Variants in ACSM2A observed in about 807,000 individuals in gnomAD.
ACSM2A encodes acyl-coenzyme A synthetase ACSM2A, mitochondrial.
In ACSM2A, 72 loss-of-function variants were observed where a neutral mutation model predicts 76.6. The ratio of observed to expected loss-of-function variants is 0.94; its 90% confidence interval spans 0.78 to 1.14. The LOEUF is 1.14. ACSM2A is among the 50% of genes most tolerant of loss of function. ACSM2A has a pLI of 0.00. For synonymous variants in ACSM2A, 249 were observed against 255.9 expected (o/e 0.97, Z 0.26); for missense variants, 684 against 708.5 (o/e 0.97, Z 0.39).
At chr16:20,479,417 C>A (rs138844507) in intron 10 of ACSM2A, among the ~76,000 whole-genome samples, 1 of 152,074 alleles carries the variant, frequency 6.6e-6, no homozygotes. Flanking sequence ...TTTAATCCTC[C>A]CAGCCACCCT....
chr16:20,463,723 C>T (rs1450490699), intron 2 of ACSM2A, among the ~76,000 whole-genome samples: 6 of 152,170 alleles, frequency 3.9e-5, no homozygotes, highest in African/African-American at 1.4e-4. Flanking sequence ...TATAGCAATG[C>T]AAGAACAGCC....
rs762693480 is a variant in ACSM2A, at chr16:20,471,636, G to A, written c.841G>A (p.Ala281Thr). The change falls in exon 6 of 14, where the codon GCA (alanine) becomes ACA (threonine). Residue 281 changes from alanine (A) to threonine (T), a missense_variant. Coordinates refer to ENST00000573854, the MANE Select transcript of ACSM2A (RefSeq NM_001308172.2). ...ACTTATGGAACCTTGGGCATTAGGA[G>A]CATGCACATTTGTTCATCTCTTGCC... ...CSLMEPWALG[A>T]CTFVHLLPKF... The A allele has an allele frequency of 3.7e-6, 6 of 1,614,056 alleles. No homozygotes were observed. Among genetic ancestry groups the A allele is most frequent in the Non-Finnish European group, 4.2e-6 (5 of 1,179,930 alleles).
chr16:20,486,997 A>G lies in ACSM2A; in HGVS notation c.*319A>G, dbSNP rs768868720. The G allele has an allele frequency of 5.6e-5, 12 of 216,196 alleles. No individual in the cohort carries two copies. The highest frequency in any genetic ancestry group is 9.9e-5 in the Non-Finnish European group (11 of 110,744). The allele number at this position is 216,196 out of a possible 1,614,324, so 13.4% of individuals were successfully genotyped here. The stretch of plus-strand genomic sequence containing the variant: ...GAAGGAGAGAGGAAGCAAGGGAAGG[A>G]GGAAGAAAGGAAAGAGGAGATGAAA... On this transcript the variant is annotated 3_prime_UTR_variant, in exon 14 of 14. Coordinates refer to ENST00000573854, the MANE Select transcript of ACSM2A (RefSeq NM_001308172.2).
At chr16:20,461,282 G>A (rs976159196) in intron 2 of ACSM2A, among the ~76,000 whole-genome samples, 1 of 150,096 alleles carries the variant, frequency 6.7e-6, no homozygotes, top group African/African-American at 2.5e-5. Context: ...GACGGCCCTA[G>A]GTGTGGGTAC....
intron 4 of ACSM2A, among the ~76,000 whole-genome samples, chr16:20,470,294 C>G (rs117990195): frequency 0.061 from 9,327 of 152,252 alleles, 377 homozygotes; most frequent in Middle Eastern, 0.18. Context: ...TACCAAGTTT[C>G]TGGGCTCTTC....
At position 20,460,156 on chromosome 16, in the gene ACSM2A, G is replaced by A. The variant is rs1302069742; in HGVS notation, c.42G>A (p.Trp14Ter). The A allele has an allele frequency of 6.2e-7, 1 of 1,612,864 alleles. No individual in the cohort carries two copies. The highest frequency in any genetic ancestry group is 8.5e-7 in the Non-Finnish European group (1 of 1,179,266). Residue 14 changes from tryptophan (W) to a stop codon, truncating the protein, a stop_gained, in exon 2 of 14, where the codon TGG becomes TGA. Coordinates refer to ENST00000573854, the MANE Select transcript of ACSM2A (RefSeq NM_001308172.2). LOFTEE classifies it high-confidence loss of function. ...AAGTTCAGGGACTTTGCACCCTGTG[G>A]GGTACTCAGATGTCCAGCCGCACTC... The part of the protein sequence containing the change: ...LRKVQGLCTL[W>*]GTQMSSRTLY...
intron 6 of ACSM2A, among the ~76,000 whole-genome samples, chr16:20,473,732 T>G (rs1274790900): frequency 6.6e-6 from 1 of 152,092 alleles, no homozygotes; most frequent in Non-Finnish European, 1.5e-5. Context: ...AAATTTAACC[T>G]GAGAGACTGT....
chr16:20,471,256 T>C, intron 5 of ACSM2A, 40 bp downstream of exon 5: 1 of 1,595,414 alleles, frequency 6.3e-7, no homozygotes, highest in Non-Finnish European at 8.6e-7. Flanking sequence ...ATTACATGAG[T>C]TTTGGAGTTA....
chr16:20,465,103 C>G (rs1285385549), intron 2 of ACSM2A, among the ~76,000 whole-genome samples: 2 of 152,096 alleles, frequency 1.3e-5, no homozygotes, highest in Non-Finnish European at 2.9e-5. Flanking sequence ...AATGCAGAAT[C>G]AGATGAGAGG....
Position 20,465,803 on chromosome 16 carries a change from C to T in ACSM2A, c.388+76C>T, listed in dbSNP as rs575553518. ...TGATAGCAGAGAAATGCAGCCACCT[C>T]TCTCAAAAGAAGTCTCCTCCTTGGA... On this transcript the variant is annotated intron_variant, in intron 3 of 13. Coordinates refer to ENST00000573854, the MANE Select transcript of ACSM2A (RefSeq NM_001308172.2). The T allele has an allele frequency of 8.4e-6, 13 of 1,538,470 alleles. No homozygotes were observed. In the Admixed American group the frequency reaches 1.9e-4, roughly 23 times the overall value.
At chr16:20,472,998 G>C (rs763622355) in intron 6 of ACSM2A, among the ~76,000 whole-genome samples, 1 of 152,134 alleles carries the variant, frequency 6.6e-6, no homozygotes, top group African/African-American at 2.4e-5. Context: ...AAGACCCACA[G>C]ACTGCAGCTA....
rs776920544 is a variant in ACSM2A, at chr16:20,475,757, A to G, written c.1082A>G (p.Tyr361Cys). The G allele has an allele frequency of 2.5e-6, 4 of 1,613,846 alleles. No individual in the cohort carries two copies. The highest frequency in any genetic ancestry group is 2.5e-6 in the Non-Finnish European group (3 of 1,179,886). The change falls in exon 8 of 14, where the codon TAT becomes TGT. Residue 361 changes from tyrosine to cysteine, a missense_variant. Around this residue, in one of 3 missense-constraint regions of ACSM2A, gnomAD observed 519 missense variants for 549.5 expected, o/e 0.94. Coordinates refer to ENST00000573854, the MANE Select transcript of ACSM2A (RefSeq NM_001308172.2). ...AQTGLDIRES[Y>C]GQTETGLTCM... The stretch of plus-strand genomic sequence containing the variant: ...ACAGGACTGGACATCCGAGAATCCT[A>G]TGGCCAGACAGAAACGGTACCTGTT...
chr16:20,458,445 C>CA (rs201649343), intron 1 of ACSM2A, among the ~76,000 whole-genome samples: 53,709 of 144,240 alleles, frequency 0.37, 11,186 homozygotes, highest in East Asian at 0.79. Flanking sequence ...GTATATATAA[C>CA]TATTTATAAT....
At chr16:20,457,939 C>T (rs1596639878) in intron 1 of ACSM2A, among the ~76,000 whole-genome samples, 1 of 152,094 alleles carries the variant, frequency 6.6e-6, no homozygotes, top group Non-Finnish European at 1.5e-5. Flanking sequence ...CCAAAGAACT[C>T]CTACAACTAA....
intron 3 of ACSM2A, among the ~76,000 whole-genome samples, chr16:20,466,539 T>C (rs1186248699): frequency 6.6e-6 from 1 of 152,188 alleles, no homozygotes; most frequent in African/African-American, 2.4e-5. Flanking sequence ...GTTTCTTAAA[T>C]CCACCTCCCC....
rs538480644 is a variant in ACSM2A at position 20,463,206 on chromosome 16, A to C, written c.178-2311A>C. ...TGTGACAAACGTGCACGTTGTGCAC[A>C]TGTACCCTAAAACTTAAAGTATAAT... On this transcript the variant is annotated intron_variant, in intron 2 of 13. Transcript: ENST00000573854. Among the ~76,000 whole-genome samples the C allele has an allele frequency of 5.6e-4, 85 of 151,276 alleles. 1 individual carries two copies. The highest frequency in any genetic ancestry group is 2.0e-3 in the African/African-American group (81 of 41,538).
intron 1 of ACSM2A, chr16:20,453,890 C>A (rs1454755495): frequency 7.8e-6 from 1 of 128,192 alleles, no homozygotes; most frequent in African/African-American, 3.2e-5. Flanking sequence ...TTGGGAAATT[C>A]CAGCCGGGTA....
At chr16:20,476,676 G>T in intron 8 of ACSM2A, 2 of 988,436 alleles carry the variant, frequency 2.0e-6, no homozygotes, top group Non-Finnish European at 1.2e-6. Flanking sequence ...GGATAAACTT[G>T]CCCTTTCCAG....
At chr16:20,466,589 T>A (rs1505097) in intron 3 of ACSM2A, among the ~76,000 whole-genome samples, 64,692 of 149,730 alleles carry the variant, frequency 0.43, 13,868 homozygotes, top group East Asian at 0.81. Flanking sequence ...ATGCTTTGGC[T>A]TCCAAGGGGC....
Sources: gnomAD v4.1 joint callset for allele counts (sites outside exome capture counted in the v4.1 genomes callset) on GRCh38, gnomAD v4.1.1 for gene constraint, gnomAD v4.1.1 regional missense constraint, MANE v1.5 for transcripts, NCBI Gene and HGNC (gene_info 2026-07-23, HGNC 2026-07-21) for gene names.